Variants in THSD4 observed in about 807,000 individuals in gnomAD.
THSD4 encodes thrombospondin type 1 domain containing 4, also known as thrombospondin type-1 domain-containing protein 4.
A neutral mutation model predicts 119.0 loss-of-function variants in THSD4; 69 were observed. The observed-to-expected ratio is 0.58, with a 90% confidence interval of 0.48 to 0.71. The LOEUF is 0.71. THSD4 is among the 30% of genes least tolerant of loss of function. The pLI is 0.00. For missense variants in THSD4, 1,393 were observed against 1,391.1 expected, an observed-to-expected ratio of 1.00 and a Z score of -0.02; for synonymous variants, 524 against 540.4, an observed-to-expected ratio of 0.97 and a Z score of 0.42.
At chr15:71,578,040 A>G (rs78032219) in intron 7 of THSD4, among the ~76,000 whole-genome samples, 22,343 of 151,612 alleles carry the variant, frequency 0.15, 2,022 homozygotes, top group Middle Eastern at 0.24. Flanking sequence ...AGTTAAAGCC[A>G]CTGCTCCCTT....
At chr15:71,401,590 C>G (rs551070085) in intron 6 of THSD4, among the ~76,000 whole-genome samples, 1 of 152,030 alleles carries the variant, frequency 6.6e-6, no homozygotes, top group African/African-American at 2.4e-5. Context: ...AAATGAAGAT[C>G]TTCATGAAAC....
intron 2 of THSD4, among the ~76,000 whole-genome samples, chr15:71,149,452 G>A (rs973333805): frequency 2.0e-5 from 3 of 151,966 alleles, no homozygotes; most frequent in East Asian, 1.9e-4. Flanking sequence ...CACTGTGTTC[G>A]AGACCAGGCT....
At chr15:71,735,434 C>T (rs1401841830) in intron 10 of THSD4, among the ~76,000 whole-genome samples, 1 of 149,154 alleles carries the variant, frequency 6.7e-6, no homozygotes, top group Admixed American at 7.1e-5. Context: ...TCTTGAAAAC[C>T]TCTCTCTCTC....
chr15:71,343,204 C>T lies in THSD4; in HGVS notation c.1016-68483C>T, dbSNP rs78842518. ...TTCAAGACCAGCCTGCATAATATAG[C>T]GAGACCCTATCTCTAGTAGGTAGGT... On this transcript the variant is annotated intron_variant, in intron 6 of 17. Transcript: ENST00000261862. 9.4e-3 allele frequency among the ~76,000 whole-genome samples: 1,435 copies of T among 152,074 alleles called. 32 individuals carry two copies. Among genetic ancestry groups the T allele is most frequent in the African/African-American group, 0.034 (1,395 of 41,458 alleles).
chr15:71,420,019 A>T (rs991285758), intron 7 of THSD4, among the ~76,000 whole-genome samples: 3 of 107,940 alleles, frequency 2.8e-5, no homozygotes, highest in Non-Finnish European at 2.0e-5. Context: ...ATTAAGTTTG[A>T]TGTTTCTTTG....
chr15:71,374,167 C>T (rs2046099292), intron 6 of THSD4, among the ~76,000 whole-genome samples: 1 of 152,156 alleles, frequency 6.6e-6, no homozygotes, highest in African/African-American at 2.4e-5. Flanking sequence ...GTCCTTCTGC[C>T]CTGATGTCCT....
intron 4 of THSD4, among the ~76,000 whole-genome samples, chr15:71,231,608 CT>C (rs1190165908): frequency 2.6e-5 from 4 of 152,142 alleles, no homozygotes; most frequent in Non-Finnish European, 5.9e-5. Flanking sequence ...TGGGGTCCTT[CT>C]TTCCTAAAGG....
rs2044997494 is a variant in THSD4, at chr15:71,304,586, C to G, written c.1015+47871C>G. ...TTTTTCCCCAATCGGAAGATTCGGT[C>G]GGTATTTCCCCCAGGGGAAACACAA... On this transcript the variant is annotated intron_variant, in intron 6 of 17. Transcript: ENST00000261862. Among the ~76,000 whole-genome samples the G allele has an allele frequency of 2.6e-5, 4 of 152,098 alleles. No individual in the cohort carries two copies. In the South Asian group the frequency reaches 8.3e-4, roughly 32 times the overall value.
chr15:71,445,942 T>C lies in THSD4; in HGVS notation c.1152+34119T>C, dbSNP rs140540873. 5.6e-3 allele frequency among the ~76,000 whole-genome samples: 847 copies of C among 152,352 alleles called. 7 individuals are homozygous for C. The highest frequency in any genetic ancestry group is 0.02 in the African/African-American group (816 of 41,578). On this transcript the variant is annotated intron_variant, in intron 7 of 17. Coordinates refer to ENST00000261862, the MANE Select transcript of THSD4 (RefSeq NM_024817.3). ...AGATGAGTCCATGTTTTACACCATT[T>C]AGCAAAATGCAGTTGCAAGATCGCT...
chr15:71,719,313 G>C (rs765968004), intron 8 of THSD4, among the ~76,000 whole-genome samples: 13 of 152,140 alleles, frequency 8.5e-5, no homozygotes, highest in Non-Finnish European at 1.6e-4. Context: ...ACACAGGTTT[G>C]AGTCCATCCA....
At chr15:71,375,889 G>C (rs1286330551) in intron 6 of THSD4, among the ~76,000 whole-genome samples, 1 of 152,170 alleles carries the variant, frequency 6.6e-6, no homozygotes, top group East Asian at 1.9e-4. Flanking sequence ...AAACCCTCCA[G>C]GTGATTATGG....
intron 6 of THSD4, among the ~76,000 whole-genome samples, chr15:71,316,024 C>A (rs2045182192): frequency 2.6e-5 from 4 of 152,106 alleles, no homozygotes; most frequent in Non-Finnish European, 5.9e-5. Flanking sequence ...CAGAGGAAAT[C>A]TTAGTAAGAC....
At chr15:71,216,602 G>A (rs1418715639) in intron 4 of THSD4, among the ~76,000 whole-genome samples, 1 of 152,242 alleles carries the variant, frequency 6.6e-6, no homozygotes, top group Non-Finnish European at 1.5e-5. Context: ...ACAGAAGAGA[G>A]GAGTGAAGAA....
chr15:71,214,095 A>AGCTAGAGGATTGTATATGCACC (rs2043909150), intron 3 of THSD4, among the ~76,000 whole-genome samples: 1 of 144,718 alleles, frequency 6.9e-6, no homozygotes, highest in African/African-American at 2.8e-5. Context: ...GCACTCTGTA[A>AGCTAGAGGATTGTATATGCACC]AAACACACCA....
Position 71,764,658 on chromosome 15 carries a change from C to T in THSD4, c.2590-362C>T, listed in dbSNP as rs543540978. On this transcript the variant is annotated intron_variant, in intron 15 of 17. Coordinates refer to ENST00000261862, the MANE Select transcript of THSD4 (RefSeq NM_024817.3). ...GAATGTCAGTTCATTGTCTTGCCTCCTGTGAGAGGTGCCAGAGTCTATGGG... is the reference window on the plus strand; with the variant it reads ...GAATGTCAGTTCATTGTCTTGCCTCTTGTGAGAGGTGCCAGAGTCTATGGG... 5.3e-5 allele frequency among the ~76,000 whole-genome samples: 8 copies of T among 152,352 alleles called. No individual in the cohort carries two copies. The South Asian group carries it at 1.7e-3, about 32-fold the overall frequency.
chr15:71,446,394 A>G (rs2047181511), intron 7 of THSD4, among the ~76,000 whole-genome samples: 1 of 152,220 alleles, frequency 6.6e-6, no homozygotes, highest in African/African-American at 2.4e-5. Context: ...TAAAACTTCC[A>G]GTAATTCCTC....
chr15:71,235,379 A>G (rs959192269), intron 4 of THSD4, among the ~76,000 whole-genome samples: 1 of 152,218 alleles, frequency 6.6e-6, no homozygotes, highest in African/African-American at 2.4e-5. Flanking sequence ...ATTATTCATT[A>G]GACATAGTAA....
chr15:71,212,775 A>T (rs1304367649), intron 3 of THSD4, among the ~76,000 whole-genome samples: 1 of 152,242 alleles, frequency 6.6e-6, no homozygotes, highest in Non-Finnish European at 1.5e-5. Context: ...CAAGACATAA[A>T]GTCTCCTAGG....
intron 7 of THSD4, among the ~76,000 whole-genome samples, chr15:71,609,578 C>T (rs563384509): frequency 3.9e-5 from 6 of 152,246 alleles, no homozygotes; most frequent in Admixed American, 1.3e-4. Context: ...ACAGGCCGGG[C>T]GCAGTGGCTC....
Sources: gnomAD v4.1 joint callset for allele counts (sites outside exome capture counted in the v4.1 genomes callset) on GRCh38, gnomAD v4.1.1 for gene constraint, MANE v1.5 for transcripts, NCBI Gene and HGNC (gene_info 2026-07-23, HGNC 2026-07-21) for gene names.